Variants in NODAL observed in about 807,000 individuals in gnomAD.
NODAL encodes nodal growth differentiation factor.
Under a neutral mutation model 34.0 loss-of-function variants are expected in NODAL, and 12 were observed. That is an observed-to-expected ratio of 0.35 (90% CI 0.23 to 0.57). NODAL has a LOEUF of 0.57. Ranked by LOEUF, NODAL falls within the 20% of genes least tolerant of loss-of-function variation. NODAL has a pLI of 0.83. For synonymous variants in NODAL, 162 were observed against 186.4 expected (o/e 0.87, Z 1.07); for missense variants, 390 against 444.2 (o/e 0.88, Z 1.10).
chr10:70,435,784 C>G lies in NODAL; in HGVS notation c.393G>C (p.Arg131=), dbSNP rs765235855. Residue 131 remains arginine, a synonymous_variant, in exon 2 of 3, where the codon CGG becomes CGC. Coordinates refer to ENST00000287139, the MANE Select transcript of NODAL (RefSeq NM_018055.5). ...TEQASDSCLE[R]FQMDLFTVTL... ...TGACAGTGAATAGGTCCATCTGAAA[C>G]CGCTCTAAGCAGCTGTCTGAAGCCT... is the stretch of plus-strand genomic sequence containing the variant. 3.8e-5 allele frequency: 62 copies of G among 1,614,042 alleles called. No homozygotes were observed. Among genetic ancestry groups the G allele is most frequent in the Non-Finnish European group, 4.8e-5 (57 of 1,180,048 alleles).
At chr10:70,435,148 C>G (rs1845327438) in intron 2 of NODAL, 138 bp downstream of exon 2, 1 of 770,906 alleles carries the variant, frequency 1.3e-6, no homozygotes, top group Non-Finnish European at 2.1e-6. Context: ...TGCCTGGTAC[C>G]TAGCACAGGA....
upstream of NODAL, among the ~76,000 whole-genome samples, chr10:70,442,784 A>G (rs984594072): frequency 2.6e-5 from 4 of 152,104 alleles, no homozygotes; most frequent in Non-Finnish European, 5.9e-5. Flanking sequence ...CTCTAGCTCA[A>G]AAGAACCATA....
chr10:70,440,255 CA>C (rs1160860007), intron 1 of NODAL, among the ~76,000 whole-genome samples: 7 of 152,168 alleles, frequency 4.6e-5, no homozygotes, highest in African/African-American at 1.7e-4. Flanking sequence ...TCGAACTTTC[CA>C]GAAGGGAGTG....
In NODAL at chr10:70,435,572, T is replaced by C; in HGVS notation, c.605A>G (p.Gln202Arg). Residue 202 changes from glutamine (Q) to arginine (R), a missense_variant, in exon 2 of 3, where the codon CAG becomes CGG. By Grantham distance (43) the Gln-to-Arg change is conservative. Transcript: ENST00000287139. ...VLLMLYSNLS[Q>R]EQRQLGGSTL... ...GGACCCACCCAGCTGCCTCTGCTCC[T>C]GCGAGAGGTTGGAGTAGAGCATAAG... is the stretch of plus-strand genomic sequence containing the variant. The C allele has an allele frequency of 1.2e-6, 2 of 1,614,072 alleles. No homozygotes were observed. Among genetic ancestry groups the C allele is most frequent in the Non-Finnish European group, 1.7e-6 (2 of 1,179,998 alleles).
chr10:70,432,709 C>T lies in NODAL; in HGVS notation c.*227G>A. The T allele has an allele frequency of 1.7e-6, 1 of 587,508 alleles. No individual in the cohort carries two copies. The highest frequency in any genetic ancestry group is 3.1e-6 in the Non-Finnish European group (1 of 327,848). The allele number at this position is 587,508 out of a possible 1,614,324, so 36.4% of individuals were successfully genotyped here. A position where few individuals can be genotyped will look rare whatever the true frequency, so the allele number is the denominator to read the frequency against. ...GTAAAGAGAACATCCAGCCAGCCCCCTGCACAGGCTTCTTCCTCCCTCTTC... is the reference window on the plus strand; with the variant it reads ...GTAAAGAGAACATCCAGCCAGCCCCTTGCACAGGCTTCTTCCTCCCTCTTC... On this transcript the variant is annotated 3_prime_UTR_variant, in exon 3 of 3. Coordinates refer to ENST00000287139, the MANE Select transcript of NODAL (RefSeq NM_018055.5).
chr10:70,444,568 C>G (rs148889567), upstream of NODAL, among the ~76,000 whole-genome samples: 25 of 152,148 alleles, frequency 1.6e-4, no homozygotes, highest in African/African-American at 5.8e-4. Context: ...CTCCTGACCT[C>G]GAGTGATCTG....
rs1845277762 is a variant in NODAL, at chr10:70,432,475, A to G, written c.*461T>C. 1 of 271,614 alleles carries G rather than the reference A, an allele frequency of 3.7e-6. No individual in the cohort carries two copies. The highest frequency in any genetic ancestry group is 7.2e-6 in the Non-Finnish European group (1 of 139,064). The allele number at this position is 271,614 out of a possible 1,614,324, so 16.8% of individuals were successfully genotyped here. On this transcript the variant is annotated 3_prime_UTR_variant, in exon 3 of 3. Coordinates refer to ENST00000287139, the MANE Select transcript of NODAL (RefSeq NM_018055.5). ...GATTGACGGACTCTTTTTAATCTAT[A>G]CAGTGATCCTTAATCTTTGGGGAGG...
chr10:70,432,957 C>A lies in NODAL; in HGVS notation c.1023G>T (p.Val341=), dbSNP rs766110361. Residue 341 remains valine (V), a synonymous_variant, in exon 3 of 3, where the codon GTG becomes GTT. Transcript: ENST00000287139. The part of the protein sequence containing the change: ...VLLDHHKDMI[V]EECGCL ...GTCATCAGAGGCACCCACATTCTTCCACGATCATGTCTTTATGGTGATCTA... is the reference window on the plus strand; with the variant it reads ...GTCATCAGAGGCACCCACATTCTTCAACGATCATGTCTTTATGGTGATCTA... The A allele has an allele frequency of 6.2e-7, 1 of 1,614,166 alleles. No homozygotes were observed. Among genetic ancestry groups the A allele is most frequent in the Admixed American group, 1.7e-5 (1 of 60,012 alleles).
Position 70,441,599 on chromosome 10 carries a change from C to A in NODAL, c.69G>T (p.Thr23=). The part of the protein sequence containing the change: ...WWALLQAGAA[T]VATALLRTRG... ...GCGTACGCAGGAGCGCAGTGGCCAC[C>A]GTCGCAGCACCCGCCTGGAGTAGGG... is the stretch of plus-strand genomic sequence containing the variant. The change falls in exon 1 of 3, where the codon ACG becomes ACT. Residue 23 remains threonine (T), a synonymous_variant. Transcript: ENST00000287139. 6.4e-7 allele frequency: 1 copy of A among 1,556,616 alleles called. No homozygotes were observed. Among genetic ancestry groups the A allele is most frequent in the Non-Finnish European group, 8.7e-7 (1 of 1,151,406 alleles).
At chr10:70,444,417 C>T (rs1185102235), upstream of NODAL, among the ~76,000 whole-genome samples, 3 of 151,808 alleles carry the variant, frequency 2.0e-5, no homozygotes, top group African/African-American at 7.3e-5. Flanking sequence ...GCAGCCTCTA[C>T]CTCCTGGGTT....
chr10:70,435,915 G>C lies in NODAL; in HGVS notation c.262C>G (p.Leu88Val). ...DFSFLSQQED[L>V]AWAELRLQLS... ...TGCAGCCGGAGCTCAGCCCATGCCA[G>C]ATCCTCTTGTTGGCTCAGGAAGGAG... is the stretch of plus-strand genomic sequence containing the variant. Residue 88 changes from leucine (L) to valine (V), a missense_variant, in exon 2 of 3, where the codon CTG (leucine) becomes GTG (valine). Physicochemically the swap from Leu to Val is conservative, Grantham distance 32. Transcript: ENST00000287139. 5 of 1,614,156 alleles carry C rather than the reference G, an allele frequency of 3.1e-6. No individual in the cohort carries two copies. Among genetic ancestry groups the C allele is most frequent in the Non-Finnish European group, 3.4e-6 (4 of 1,180,040 alleles).
intron 1 of NODAL, among the ~76,000 whole-genome samples, chr10:70,446,921 C>T (rs191585001): frequency 6.6e-6 from 1 of 152,072 alleles, no homozygotes; most frequent in Non-Finnish European, 1.5e-5. Context: ...AACACCCTTG[C>T]CTTTCACATA....
intron 1 of NODAL, among the ~76,000 whole-genome samples, chr10:70,447,745 T>A (rs2132224142): frequency 4.9e-5 from 2 of 40,964 alleles, no homozygotes; most frequent in Middle Eastern, 0.032. Context: ...CTCTCTTCAG[T>A]GAAGGCCACC....
intron 1 of NODAL, among the ~76,000 whole-genome samples, chr10:70,440,613 G>A (rs982214829): frequency 6.6e-6 from 1 of 152,164 alleles, no homozygotes; most frequent in Non-Finnish European, 1.5e-5. Flanking sequence ...GTGGATTGAG[G>A]CGCGGAAGGG....
chr10:70,432,985 A>G lies in NODAL; in HGVS notation c.995T>C (p.Leu332Pro), dbSNP rs756600339. The stretch of plus-strand genomic sequence containing the variant: ...GATCATGTCTTTATGGTGATCTAGG[A>G]GCACTCTGCCATTATCCACATACAG... ...SMLYVDNGRV[L>P]LDHHKDMIVE... Residue 332 changes from leucine (L) to proline (P), a missense_variant, in exon 3 of 3, where the codon CTC becomes CCC. By Grantham distance (98) the Leu-to-Pro change is moderately conservative. Coordinates refer to ENST00000287139, the MANE Select transcript of NODAL (RefSeq NM_018055.5). 6.2e-7 allele frequency: 1 copy of G among 1,614,092 alleles called. No individual in the cohort carries two copies. The highest frequency in any genetic ancestry group is 1.1e-5 in the South Asian group (1 of 91,080).
At chr10:70,434,301 C>G (rs2231950) in intron 2 of NODAL, among the ~76,000 whole-genome samples, 1,541 of 152,306 alleles carry the variant, frequency 0.01, 23 homozygotes, top group African/African-American at 0.035. Context: ...TCTGTTCTTC[C>G]TCCACCACCT....
upstream of NODAL, among the ~76,000 whole-genome samples, chr10:70,445,505 G>C (rs543145804): frequency 1.3e-5 from 2 of 152,170 alleles, no homozygotes; most frequent in Non-Finnish European, 2.9e-5. Context: ...TGATCCACCC[G>C]CCTTGGCCTC....
chr10:70,435,080 CA>C (rs1005319315), intron 2 of NODAL: 8 of 591,706 alleles, frequency 1.4e-5, no homozygotes, highest in Non-Finnish European at 2.1e-5. Flanking sequence ...CAAGGCTACC[CA>C]GTGACGCATG....
chr10:70,437,976 T>A (rs1845377700), intron 1 of NODAL, among the ~76,000 whole-genome samples: 1 of 152,074 alleles, frequency 6.6e-6, no homozygotes, highest in African/African-American at 2.4e-5. Context: ...ACCTGGAGGA[T>A]TCGGGCGGTG....
Sources: allele counts gnomAD v4.1 joint callset (sites outside exome capture counted in the v4.1 genomes callset), GRCh38; gene constraint gnomAD v4.1.1; transcripts MANE v1.5; gene names NCBI Gene and HGNC (gene_info 2026-07-23, HGNC 2026-07-21).